Variants in USP10 observed in about 807,000 individuals in gnomAD.
USP10 encodes the protein ubiquitin specific peptidase 10.
USP10 carries 22 observed loss-of-function variants against 84.5 expected under a neutral mutation model. The observed-to-expected ratio is 0.26, with a 90% CI of 0.19 to 0.37. USP10 has a LOEUF of 0.37. USP10 is among the 10% of genes least tolerant of loss of function. USP10 has a pLI of 1.00. For missense variants in USP10, 1,019 were observed against 998.9 expected (o/e 1.02, Z -0.27); for synonymous variants, 454 against 387.6 (o/e 1.17, Z -2.01).
intron 9 of USP10, 32 bp from the exon 10 acceptor site, chr16:84,764,054 A>G (rs1014306798): frequency 5.7e-6 from 9 of 1,581,364 alleles, no homozygotes; most frequent in Non-Finnish European, 6.0e-6. Flanking sequence ...CTTGTCGTAA[A>G]TAGTAGTGTA....
At position 84,714,938 on chromosome 16, in the gene USP10, T is replaced by A. The variant is rs56950568; in HGVS notation, c.21+14827T>A. Among the ~76,000 whole-genome samples the A allele has an allele frequency of 5.3e-3, 795 of 149,100 alleles. 3 individuals are homozygous for A. Among genetic ancestry groups the A allele is most frequent in the African/African-American group, 0.015 (615 of 40,812 alleles). ...GATTATTATTATTATTATTATTATTTTTTTTTTTTGAGATGGAGTCTTGCT... is the reference window on the plus strand; with the variant it reads ...GATTATTATTATTATTATTATTATTATTTTTTTTTGAGATGGAGTCTTGCT... On this transcript the variant is annotated intron_variant, in intron 1 of 13. Coordinates refer to ENST00000219473, the MANE Select transcript of USP10 (RefSeq NM_005153.3).
At chr16:84,728,624 C>T (rs1385072666) in intron 1 of USP10, among the ~76,000 whole-genome samples, 4 of 151,362 alleles carry the variant, frequency 2.6e-5, no homozygotes, top group East Asian at 2.0e-4. Context: ...CCACCGTGTC[C>T]GGCCTCCTTT....
intron 1 of USP10, chr16:84,732,445 T>A: frequency 4.8e-6 from 1 of 206,848 alleles, no homozygotes; most frequent in Non-Finnish European, 9.9e-6. Context: ...CTTCTTCTTC[T>A]TTTTTTTTTT....
chr16:84,733,402 T>C (rs1188815912), intron 1 of USP10, 33 bp from the exon 2 acceptor site: 4 of 1,487,602 alleles, frequency 2.7e-6, no homozygotes, highest in Non-Finnish European at 3.7e-6. Context: ...TTGTATATTT[T>C]ATGTGATCAG....
chr16:84,748,164 A>G (rs968026110), intron 4 of USP10, among the ~76,000 whole-genome samples: 1 of 151,154 alleles, frequency 6.6e-6, no homozygotes, highest in Non-Finnish European at 1.5e-5. Flanking sequence ...AAAAAAAAAA[A>G]AAAAAAAAAA....
intron 2 of USP10, among the ~76,000 whole-genome samples, chr16:84,736,141 A>G (rs1041470606): frequency 3.3e-5 from 5 of 152,012 alleles, no homozygotes; most frequent in Admixed American, 2.6e-4. Context: ...TTGGCCTTTT[A>G]TCTCTCAGGT....
intron 4 of USP10, among the ~76,000 whole-genome samples, chr16:84,750,461 A>G (rs1911795215): frequency 1.3e-5 from 2 of 152,008 alleles, no homozygotes; most frequent in South Asian, 4.1e-4. Flanking sequence ...TAGTTGCAAA[A>G]CGCGACACCC....
At chr16:84,705,555 T>G (rs913988568) in intron 1 of USP10, among the ~76,000 whole-genome samples, 1 of 151,802 alleles carries the variant, frequency 6.6e-6, no homozygotes, top group Admixed American at 6.6e-5. Flanking sequence ...TGAACCTGAT[T>G]TTTACATCTA....
At chr16:84,768,467 C>A in intron 11 of USP10, 109 bp downstream of exon 11, 2 of 1,114,582 alleles carry the variant, frequency 1.8e-6, no homozygotes, top group Non-Finnish European at 2.4e-6. Flanking sequence ...CCTCTTAAAT[C>A]AGTTGCTTAA....
chr16:84,704,971 GGCC>G, intron 1 of USP10: 1 of 1,458,130 alleles, frequency 6.9e-7, no homozygotes, highest in Non-Finnish European at 9.3e-7. Context: ...GTGGAGTGCG[GGCC>G]CAGCACCTGC....
intron 1 of USP10, among the ~76,000 whole-genome samples, chr16:84,714,997 C>G (rs1184355059): frequency 6.7e-6 from 1 of 150,130 alleles, no homozygotes; most frequent in South Asian, 2.1e-4. Context: ...TTCGCAGTCT[C>G]GGCTCACTGC....
Position 84,763,025 on chromosome 16 carries a change from A to G in USP10, c.1591A>G (p.Ile531Val), listed in dbSNP as rs751308980. The change falls in exon 9 of 14, where the codon ATT (isoleucine) becomes GTT (valine). Residue 531 changes from isoleucine (I) to valine (V), a missense_variant. By Grantham distance (29) the Ile-to-Val change is conservative (BLOSUM62 3). This residue lies in a region of USP10 where 787 missense variants were observed against 708.8 expected (regional missense o/e 1.11). Coordinates refer to ENST00000219473, the MANE Select transcript of USP10 (RefSeq NM_005153.3). ...AGATGCTGAGGAATACTTAGGCTTCATTCTAAATGGACTTCATGAGGAAAT... is the reference window on the plus strand; with the variant it reads ...AGATGCTGAGGAATACTTAGGCTTCGTTCTAAATGGACTTCATGAGGAAAT... ...QEDAEEYLGF[I>V]LNGLHEEMLN... The G allele has an allele frequency of 6.2e-6, 10 of 1,612,752 alleles. No homozygotes were observed. The highest frequency in any genetic ancestry group is 1.1e-5 in the South Asian group (1 of 90,974).
Position 84,745,642 on chromosome 16 carries a change from T to A in USP10, c.1161T>A (p.Val387=), listed in dbSNP as rs7185949. 5.0e-6 allele frequency: 8 copies of A among 1,611,924 alleles called. No homozygotes were observed. Among genetic ancestry groups the A allele is most frequent in the Non-Finnish European group, 6.8e-6 (8 of 1,179,026 alleles). Residue 387 remains valine, a synonymous_variant, in exon 4 of 14, where the codon GTT becomes GTA. Transcript: ENST00000219473. The part of the protein sequence containing the change: ...QVEVKEGLVP[V]SEDPVAIKIA... ...AAGTCAAAGAAGGGCTTGTTCCGGT[T>A]TCAGAGGATCCTGTAGCCATAAAGA...
Position 84,759,392 on chromosome 16 carries a change from G to T in USP10, c.1314G>T (p.Pro438=), listed in dbSNP as rs755302859. The T allele has an allele frequency of 6.2e-7, 1 of 1,613,962 alleles. No homozygotes were observed. Residue 438 remains proline, a synonymous_variant, in exon 6 of 14, where the codon CCG becomes CCT. Transcript: ENST00000219473. ...TGCAGGCATTGGTTGCTTGCCCGCCGATGTACCACCTGATGAAGTTCATTC... is the reference window on the plus strand; with the variant it reads ...TGCAGGCATTGGTTGCTTGCCCGCCTATGTACCACCTGATGAAGTTCATTC... ...ATLQALVACP[P]MYHLMKFIPL... is the part of the protein sequence containing the mutation.
chr16:84,714,975 G>C (rs574819354), intron 1 of USP10, among the ~76,000 whole-genome samples: 5 of 150,486 alleles, frequency 3.3e-5, no homozygotes, highest in African/African-American at 1.2e-4. Context: ...TGTCGCCCAG[G>C]CTGGAGTGCA....
intron 13 of USP10, among the ~76,000 whole-genome samples, chr16:84,777,165 G>T (rs964311773): frequency 6.6e-6 from 1 of 152,218 alleles, no homozygotes; most frequent in Non-Finnish European, 1.5e-5. Context: ...CTTTTCAGGC[G>T]GTTCTCAGCG....
At chr16:84,737,382 T>A (rs959833609) in intron 2 of USP10, among the ~76,000 whole-genome samples, 5 of 152,252 alleles carry the variant, frequency 3.3e-5, no homozygotes. Context: ...GTTATATAGT[T>A]AATGAGTGAA....
intron 3 of USP10, among the ~76,000 whole-genome samples, chr16:84,741,208 T>G (rs1910583231): frequency 6.6e-6 from 1 of 152,218 alleles, no homozygotes; most frequent in African/African-American, 2.4e-5. Context: ...ACGTTTTATC[T>G]CCAGTAACAT....
At chr16:84,773,925 C>T (rs173419) in intron 12 of USP10, among the ~76,000 whole-genome samples, 16 of 152,078 alleles carry the variant, frequency 1.1e-4, no homozygotes, top group Middle Eastern at 6.8e-3. Context: ...TTTTTATATC[C>T]GCTGCCACCT....
Sources: gnomAD v4.1 joint callset for allele counts (sites outside exome capture counted in the v4.1 genomes callset) on GRCh38, gnomAD v4.1.1 for gene constraint, gnomAD v4.1.1 regional missense constraint, MANE v1.5 for transcripts, NCBI Gene and HGNC (gene_info 2026-07-23, HGNC 2026-07-21) for gene names.